Variants in IPCEF1 observed in about 807,000 individuals in gnomAD.
IPCEF1 encodes interactor protein for cytohesin exchange factors 1.
A neutral mutation model predicts 50.9 loss-of-function variants in IPCEF1; 31 were observed. That is an observed-to-expected ratio of 0.61 (90% confidence interval 0.46 to 0.82). IPCEF1 has a LOEUF of 0.82. Ranked by LOEUF, IPCEF1 falls within the 40% of genes least tolerant of loss-of-function variation. IPCEF1 has a pLI of 0.00. For missense variants in IPCEF1, 458 were observed against 514.0 expected (o/e 0.89, Z 1.05); for synonymous variants, 181 against 192.0 (o/e 0.94, Z 0.47).
intron 9 of IPCEF1, among the ~76,000 whole-genome samples, chr6:154,206,154 G>A (rs980594189): frequency 6.6e-6 from 1 of 152,014 alleles, no homozygotes; most frequent in Non-Finnish European, 1.5e-5. Context: ...TATCAAGAGG[G>A]GCAAGTGATA....
intron 11 of IPCEF1, among the ~76,000 whole-genome samples, chr6:154,163,014 G>C (rs1173235221): frequency 6.6e-6 from 1 of 152,096 alleles, no homozygotes; most frequent in Non-Finnish European, 1.5e-5. Context: ...GCAAACACTG[G>C]AGTCATTCTT....
At position 154,199,784 on chromosome 6, in the gene IPCEF1, G is replaced by A. The variant is rs1040514995; in HGVS notation, c.794C>T (p.Thr265Ile). 1.9e-6 allele frequency: 3 copies of A among 1,614,244 alleles called. No homozygotes were observed. The highest frequency in any genetic ancestry group is 2.2e-5 in the East Asian group (1 of 44,892). ...IHKALENSFV[T>I]SESGFLNSLS... The stretch of plus-strand genomic sequence containing the variant: ...AGAGTTCAAAAATCCACTTTCTGAT[G>A]TGACAAAACTGTTTTCCAGGGCCTT... The change falls in exon 10 of 12, where the codon ACA becomes ATA. Residue 265 changes from threonine (T) to isoleucine (I), a missense_variant. Thr to Ile is a moderately conservative substitution (Grantham distance 89). Transcript: ENST00000367220.
At chr6:154,319,529 C>T (rs1270953816) in intron 1 of IPCEF1, among the ~76,000 whole-genome samples, 1 of 152,204 alleles carries the variant, frequency 6.6e-6, no homozygotes, top group Non-Finnish European at 1.5e-5. Flanking sequence ...AGATGATCCC[C>T]CGCCCCCAGG....
At chr6:154,228,212 T>C (rs1023054867) in intron 5 of IPCEF1, among the ~76,000 whole-genome samples, 5 of 151,918 alleles carry the variant, frequency 3.3e-5, no homozygotes, top group Non-Finnish European at 7.4e-5. Flanking sequence ...ACGCCTGTAA[T>C]CCCAGCGCTT....
rs142973270 is a variant in IPCEF1, at chr6:154,346,698, G to A, written c.-62+9974C>T. Among the ~76,000 whole-genome samples, 528 of 152,344 alleles carry A rather than the reference G, an allele frequency of 3.5e-3. 4 individuals carry two copies. The highest frequency in any genetic ancestry group is 0.012 in the African/African-American group (513 of 41,566). ...TCCTTCTTCACATGGCAGCATGAGA[G>A]AGAAGTGCAGAGCAAAGCAAGGTAA... On this transcript the variant is annotated intron_variant, in intron 1 of 11. Transcript: ENST00000367220.
intron 1 of IPCEF1, among the ~76,000 whole-genome samples, chr6:154,329,229 T>G (rs569338585): frequency 2.0e-5 from 3 of 151,976 alleles, no homozygotes; most frequent in Non-Finnish European, 4.4e-5. Context: ...TTGGGCAACA[T>G]GGCAAGACCC....
chr6:154,301,636 C>T (rs1006540751), intron 1 of IPCEF1, among the ~76,000 whole-genome samples: 1 of 152,060 alleles, frequency 6.6e-6, no homozygotes, highest in African/African-American at 2.4e-5. Context: ...ACTCTATATT[C>T]CAGAGTTATT....
chr6:154,200,043 A>G lies in IPCEF1; in HGVS notation c.538-3T>C. ...GATGAAGATGCCTGCTGTGCAGTCT[A>G]TTTTTCACAAATAAAACCAAAAAAA... On this transcript the variant is annotated splice_region_variant and splice_polypyrimidine_tract_variant and intron_variant, in intron 9 of 11. Transcript: ENST00000367220. 1.3e-6 allele frequency: 2 copies of G among 1,582,752 alleles called. No individual in the cohort carries two copies. Among genetic ancestry groups the G allele is most frequent in the Non-Finnish European group, 1.7e-6 (2 of 1,166,668 alleles).
At chr6:154,279,659 G>A (rs1346021931) in intron 2 of IPCEF1, among the ~76,000 whole-genome samples, 1 of 152,230 alleles carries the variant, frequency 6.6e-6, no homozygotes, top group Non-Finnish European at 1.5e-5. Context: ...AGGAAAAGCT[G>A]TAAGTTGAAA....
intron 7 of IPCEF1, 113 bp from the exon 8 acceptor site, chr6:154,214,389 A>C (rs1387478404): frequency 1.3e-6 from 1 of 795,402 alleles, no homozygotes; most frequent in South Asian, 1.4e-5. Flanking sequence ...CAGTCTGCAC[A>C]TTTCCAGAAA....
chr6:154,164,126 T>G (rs1799240697), intron 11 of IPCEF1, among the ~76,000 whole-genome samples: 1 of 152,222 alleles, frequency 6.6e-6, no homozygotes, highest in South Asian at 2.1e-4. Context: ...TAAAGAAATT[T>G]AGACATCTAC....
At chr6:154,307,077 T>C (rs545990966) in intron 1 of IPCEF1, among the ~76,000 whole-genome samples, 1 of 152,286 alleles carries the variant, frequency 6.6e-6, no homozygotes, top group Non-Finnish European at 1.5e-5. Flanking sequence ...CCCATACTAA[T>C]GACCTCATTT....
At position 154,299,421 on chromosome 6, in the gene IPCEF1, C is replaced by A. The variant is rs990761711; in HGVS notation, c.-61-9665G>T. Among the ~76,000 whole-genome samples the A allele has an allele frequency of 1.4e-5, 2 of 141,702 alleles. 1 individual carries two copies. Among genetic ancestry groups the A allele is most frequent in the Admixed American group, 1.5e-4 (2 of 13,714 alleles). The allele number at this position is 141,702 out of a possible 152,430, so 93.0% of individuals were successfully genotyped here. On this transcript the variant is annotated intron_variant, in intron 1 of 11. Coordinates refer to ENST00000367220, the MANE Select transcript of IPCEF1 (RefSeq NM_001130700.2). The stretch of plus-strand genomic sequence containing the variant: ...TAAAGAAAATGTGGCACATATATAT[C>A]ATGGAATACTACGCAGTCATAAAAA...
chr6:154,316,638 T>C (rs954942833), intron 1 of IPCEF1, among the ~76,000 whole-genome samples: 3 of 152,136 alleles, frequency 2.0e-5, no homozygotes, highest in African/African-American at 7.2e-5. Flanking sequence ...GAGATGTTGG[T>C]CAAACTATAT....
intron 1 of IPCEF1, among the ~76,000 whole-genome samples, chr6:154,311,752 C>A (rs1270067877): frequency 6.6e-6 from 1 of 152,018 alleles, no homozygotes; most frequent in African/African-American, 2.4e-5. Flanking sequence ...ATCGCCTCAC[C>A]CCTGTTAGAA....
chr6:154,199,233 A>G (rs1562536798), intron 10 of IPCEF1, among the ~76,000 whole-genome samples: 1 of 152,252 alleles, frequency 6.6e-6, no homozygotes, highest in Non-Finnish European at 1.5e-5. Context: ...GCTAAGAATT[A>G]GATACTGTCT....
chr6:154,213,225 T>C, intron 8 of IPCEF1: 1 of 237,848 alleles, frequency 4.2e-6, no homozygotes, highest in Non-Finnish European at 8.5e-6. Flanking sequence ...ATCACTAAAC[T>C]ATCAGTGGTG....
At chr6:154,289,193 T>C (rs1782449139) in intron 2 of IPCEF1, among the ~76,000 whole-genome samples, 2 of 152,192 alleles carry the variant, frequency 1.3e-5, no homozygotes, top group Admixed American at 1.3e-4. Flanking sequence ...AACTCCAGTC[T>C]TTCCTAGATC....
At chr6:154,169,890 C>G (rs6916360) in intron 10 of IPCEF1, among the ~76,000 whole-genome samples, 12,638 of 152,206 alleles carry the variant, frequency 0.083, 738 homozygotes, top group African/African-American at 0.16. Flanking sequence ...AGTAATCTCT[C>G]TTTTTTCTTA....
Sources: allele counts gnomAD v4.1 joint callset (sites outside exome capture counted in the v4.1 genomes callset), GRCh38; gene constraint gnomAD v4.1.1; transcripts MANE v1.5; gene names NCBI Gene and HGNC (gene_info 2026-07-23, HGNC 2026-07-21).